PCSK2: variants seen among roughly 807,000 people sequenced by gnomAD.
The protein encoded by PCSK2 is neuroendocrine convertase 2.
A neutral mutation model predicts 69.7 loss-of-function variants in PCSK2; 14 were observed. The ratio of observed to expected loss-of-function variants is 0.20; its 90% CI spans 0.13 to 0.31. PCSK2 has a LOEUF of 0.31. Ranked by LOEUF, PCSK2 falls within the 10% of genes least tolerant of loss-of-function variation. The pLI is 1.00. For synonymous variants in PCSK2, 307 were observed against 320.7 expected (o/e 0.96, Z 0.46); for missense variants, 544 against 842.5 (o/e 0.65, Z 4.39).
At chr20:17,264,514 C>T (rs906620967) in intron 2 of PCSK2, among the ~76,000 whole-genome samples, 1 of 152,160 alleles carries the variant, frequency 6.6e-6, no homozygotes, top group East Asian at 1.9e-4. Flanking sequence ...TGTTTAATAA[C>T]CATAAAAGGC....
chr20:17,348,878 T>C (rs2029889838), intron 2 of PCSK2, among the ~76,000 whole-genome samples: 1 of 152,296 alleles, frequency 6.6e-6, no homozygotes, highest in Middle Eastern at 3.4e-3. Context: ...TCTGAGGTAC[T>C]GGGGGTAAGG....
intron 2 of PCSK2, among the ~76,000 whole-genome samples, chr20:17,280,701 A>C (rs768270915): frequency 2.6e-5 from 4 of 152,232 alleles, no homozygotes; most frequent in Non-Finnish European, 5.9e-5. Context: ...CAAGTCAGGA[A>C]GTGATAATGA....
At chr20:17,397,562 C>A (rs762411853) in intron 5 of PCSK2, among the ~76,000 whole-genome samples, 10 of 151,982 alleles carry the variant, frequency 6.6e-5, no homozygotes, top group Non-Finnish European at 1.3e-4. Context: ...TCACTGCAAC[C>A]TCCACCTCCT....
In PCSK2 at chr20:17,484,006, A is replaced by G. The variant is rs1409521548; in HGVS notation, c.*1936A>G. ...ATATACCTATAATGTGTGTATGTGT[A>G]TTTATTGAAGAAACAGATACCATAC... On this transcript the variant is annotated 3_prime_UTR_variant, in exon 12 of 12. Coordinates refer to ENST00000262545, the MANE Select transcript of PCSK2 (RefSeq NM_002594.5). 1 of 152,510 alleles carries G rather than the reference A, an allele frequency of 6.6e-6. No homozygotes were observed. Among genetic ancestry groups the G allele is most frequent in the Non-Finnish European group, 1.5e-5 (1 of 68,012 alleles). The allele number at this position is 152,510 out of a possible 1,614,324, so 9.4% of individuals were successfully genotyped here. A position where few individuals can be genotyped will look rare whatever the true frequency, so the allele number is the denominator to read the frequency against.
intron 5 of PCSK2, among the ~76,000 whole-genome samples, chr20:17,405,195 A>G (rs1940228842): frequency 6.6e-6 from 1 of 152,208 alleles, no homozygotes. Flanking sequence ...AAAAATAGGA[A>G]AATTTCCAGG....
chr20:17,327,209 C>A (rs559853699), intron 2 of PCSK2, among the ~76,000 whole-genome samples: 147 of 152,332 alleles, frequency 9.6e-4, no homozygotes, highest in Non-Finnish European at 1.3e-3. Context: ...AAGAAGGTAT[C>A]CTGAGACCAC....
chr20:17,430,276 G>A (rs981433148), intron 7 of PCSK2, among the ~76,000 whole-genome samples: 3 of 152,158 alleles, frequency 2.0e-5, no homozygotes, highest in Admixed American at 6.5e-5. Flanking sequence ...AGCTTTCAAC[G>A]AGATGTCTGA....
intron 2 of PCSK2, among the ~76,000 whole-genome samples, chr20:17,271,887 C>CT (rs1229768165): frequency 1.3e-5 from 2 of 152,230 alleles, no homozygotes; most frequent in East Asian, 3.9e-4. Context: ...AGTCCCTACT[C>CT]TACAACACCC....
intron 5 of PCSK2, among the ~76,000 whole-genome samples, chr20:17,405,099 T>G (rs914926114): frequency 6.6e-6 from 1 of 152,164 alleles, no homozygotes; most frequent in African/African-American, 2.4e-5. Flanking sequence ...CCAGCTTACA[T>G]TCCTTGTTTC....
chr20:17,388,399 C>T (rs2123266369), intron 5 of PCSK2, among the ~76,000 whole-genome samples: 1 of 151,924 alleles, frequency 6.6e-6, no homozygotes, highest in Non-Finnish European at 1.5e-5. Flanking sequence ...AGATTATTTG[C>T]CAAAGAGCTG....
intron 1 of PCSK2, among the ~76,000 whole-genome samples, chr20:17,258,022 T>A (rs778383515): frequency 3.3e-5 from 5 of 152,224 alleles, no homozygotes; most frequent in Admixed American, 3.3e-4. Flanking sequence ...CTTTTCCAAC[T>A]GAGCAAACCC....
chr20:17,474,544 G>C (rs1421838131), intron 11 of PCSK2, among the ~76,000 whole-genome samples: 1 of 152,152 alleles, frequency 6.6e-6, no homozygotes, highest in African/African-American at 2.4e-5. Context: ...GCAATCGGTG[G>C]CCTGTGTTCT....
At chr20:17,232,843 T>C (rs1600394656) in intron 1 of PCSK2, among the ~76,000 whole-genome samples, 1 of 152,332 alleles carries the variant, frequency 6.6e-6, no homozygotes, top group East Asian at 1.9e-4. Context: ...CTGAAAGATT[T>C]CAATCTAAGA....
intron 1 of PCSK2, among the ~76,000 whole-genome samples, chr20:17,234,452 G>T (rs907292982): frequency 7.2e-5 from 11 of 152,178 alleles, no homozygotes; most frequent in African/African-American, 2.7e-4. Context: ...TGTTCCTGTA[G>T]AATCCATTTC....
intron 2 of PCSK2, among the ~76,000 whole-genome samples, chr20:17,326,850 G>A (rs1345208208): frequency 6.6e-6 from 1 of 152,258 alleles, no homozygotes; most frequent in Non-Finnish European, 1.5e-5. Flanking sequence ...GGAGGTGCAT[G>A]GAGAGGGCTC....
chr20:17,403,379 G>C (rs533442345), intron 5 of PCSK2, among the ~76,000 whole-genome samples: 2 of 152,318 alleles, frequency 1.3e-5, no homozygotes, highest in Admixed American at 6.5e-5. Context: ...GCATGTGGGA[G>C]AATTACTTGA....
intron 6 of PCSK2, among the ~76,000 whole-genome samples, chr20:17,428,861 G>C (rs980080997): frequency 6.6e-6 from 1 of 151,282 alleles, no homozygotes; most frequent in African/African-American, 2.4e-5. Flanking sequence ...TTAGCCAGGC[G>C]TGGTGCACAC....
At chr20:17,316,519 C>T (rs1989694284) in intron 2 of PCSK2, among the ~76,000 whole-genome samples, 1 of 152,142 alleles carries the variant, frequency 6.6e-6, no homozygotes, top group South Asian at 2.1e-4. Flanking sequence ...CTTTCTGGAC[C>T]ATCTCCAAAT....
At chr20:17,466,179 G>T (rs984268218) in intron 11 of PCSK2, among the ~76,000 whole-genome samples, 2 of 151,584 alleles carry the variant, frequency 1.3e-5, no homozygotes, top group African/African-American at 4.8e-5. Context: ...ACCCCCAAAG[G>T]CCCCCTGCCG....
Sources: allele counts gnomAD v4.1 joint callset (sites outside exome capture counted in the v4.1 genomes callset), GRCh38; gene constraint gnomAD v4.1.1; transcripts MANE v1.5; gene names NCBI Gene and HGNC (gene_info 2026-07-23, HGNC 2026-07-21).